The following NPAS3 variants were observed in gnomAD, a reference collection of about 807,000 sequenced individuals.
The protein encoded by NPAS3 is neuronal PAS domain-containing protein 3.
NPAS3 carries 14 observed loss-of-function variants against 73.1 expected under a neutral mutation model. The ratio of observed to expected loss-of-function variants is 0.19; its 90% CI spans 0.13 to 0.30. The LOEUF is 0.30. NPAS3 is among the 10% of genes least tolerant of loss of function. NPAS3 has a pLI of 1.00. For synonymous variants in NPAS3, 620 were observed against 541.5 expected (o/e 1.14, Z -2.01); for missense variants, 1,096 against 1,250.0 (o/e 0.88, Z 1.86).
At chr14:33,648,067 A>AT (rs1306477376) in intron 5 of NPAS3, among the ~76,000 whole-genome samples, 1 of 151,952 alleles carries the variant, frequency 6.6e-6, no homozygotes, top group Non-Finnish European at 1.5e-5. Flanking sequence ...TCTCCGTTTG[A>AT]TTTTGCCCCC....
intron 9 of NPAS3, among the ~76,000 whole-genome samples, chr14:33,781,459 G>C (rs1232124971): frequency 6.6e-6 from 1 of 152,144 alleles, no homozygotes; most frequent in South Asian, 2.1e-4. Context: ...GTAAACACTG[G>C]AAGAAAAGGC....
At chr14:33,085,107 C>T (rs1452750800) in intron 2 of NPAS3, among the ~76,000 whole-genome samples, 2 of 152,200 alleles carry the variant, frequency 1.3e-5, no homozygotes, top group Non-Finnish European at 2.9e-5. Flanking sequence ...GGGCTTCCTT[C>T]TCCCTTACCT....
intron 3 of NPAS3, among the ~76,000 whole-genome samples, chr14:33,282,091 T>C (rs1488483168): frequency 6.6e-6 from 1 of 152,172 alleles, no homozygotes; most frequent in Non-Finnish European, 1.5e-5. Flanking sequence ...GAAGCAGTAA[T>C]GCTAAAGCCA....
chr14:33,156,480 T>C (rs2044652185), intron 2 of NPAS3, among the ~76,000 whole-genome samples: 1 of 152,198 alleles, frequency 6.6e-6, no homozygotes, highest in South Asian at 2.1e-4. Flanking sequence ...AGATTGGTGC[T>C]ACATATTCTC....
At chr14:33,583,418 C>G (rs1315382557) in intron 5 of NPAS3, 1 of 152,110 alleles carries the variant, frequency 6.6e-6, no homozygotes, top group African/African-American at 2.4e-5. Flanking sequence ...AACTATAAAT[C>G]AGTCTCTTGG....
chr14:33,774,109 C>T (rs2062737605), intron 7 of NPAS3, among the ~76,000 whole-genome samples: 1 of 152,160 alleles, frequency 6.6e-6, no homozygotes. Context: ...AAAATAGCAA[C>T]AGCACCATAA....
At chr14:33,442,422 A>T (rs968932605) in intron 4 of NPAS3, among the ~76,000 whole-genome samples, 4 of 152,118 alleles carry the variant, frequency 2.6e-5, no homozygotes, top group African/African-American at 9.7e-5. Flanking sequence ...TAAAAAAAAA[A>T]AAAAATTAAA....
Position 33,257,836 on chromosome 14 carries a change from A to T in NPAS3, c.385+42410A>T, listed in dbSNP as rs145450806. Among the ~76,000 whole-genome samples, 378 of 152,178 alleles carry T rather than the reference A, an allele frequency of 2.5e-3. 4 individuals carry two copies. The highest frequency in any genetic ancestry group is 8.7e-3 in the African/African-American group (361 of 41,522). ...GTTTTCCTATTATATTACAAAGGAGAAGTGCCACAATACTATTTCAAGGGT... is the reference window on the plus strand; with the variant it reads ...GTTTTCCTATTATATTACAAAGGAGTAGTGCCACAATACTATTTCAAGGGT... On this transcript the variant is annotated intron_variant, in intron 3 of 11. Coordinates refer to ENST00000356141, the Ensembl canonical transcript of NPAS3.
At chr14:33,510,835 C>T (rs908010257) in intron 4 of NPAS3, among the ~76,000 whole-genome samples, 2 of 152,042 alleles carry the variant, frequency 1.3e-5, no homozygotes, top group Admixed American at 1.3e-4. Flanking sequence ...GCAAAACGTA[C>T]CCCCTCAGGC....
intron 2 of NPAS3, among the ~76,000 whole-genome samples, chr14:33,089,415 T>C (rs2138793472): frequency 6.6e-6 from 1 of 152,144 alleles, no homozygotes; most frequent in Non-Finnish European, 1.5e-5. Flanking sequence ...GAAGATCAAA[T>C]GAATGAAATG....
At chr14:33,571,979 A>G (rs922735811) in intron 5 of NPAS3, among the ~76,000 whole-genome samples, 2 of 152,178 alleles carry the variant, frequency 1.3e-5, no homozygotes, top group Non-Finnish European at 2.9e-5. Flanking sequence ...ATTGTGGGCT[A>G]ATGCAAAGGA....
chr14:33,557,926 G>GC (rs2055439171), intron 4 of NPAS3, among the ~76,000 whole-genome samples: 1 of 152,148 alleles, frequency 6.6e-6, no homozygotes, highest in African/African-American at 2.4e-5. Flanking sequence ...CTGCGGTCTC[G>GC]CTACCGCACT....
chr14:33,566,994 G>C (rs1284511918), intron 5 of NPAS3, among the ~76,000 whole-genome samples: 7 of 152,194 alleles, frequency 4.6e-5, no homozygotes, highest in Non-Finnish European at 4.4e-5. Flanking sequence ...TGTTTGGAAA[G>C]TATTTTTCTT....
At chr14:33,643,852 T>G (rs192305466) in intron 5 of NPAS3, among the ~76,000 whole-genome samples, 1 of 152,218 alleles carries the variant, frequency 6.6e-6, no homozygotes, top group East Asian at 1.9e-4. Context: ...AAATAATGTA[T>G]GTAAATTTTT....
intron 5 of NPAS3, among the ~76,000 whole-genome samples, chr14:33,665,719 A>G (rs1342507655): frequency 6.6e-6 from 1 of 152,240 alleles, no homozygotes; most frequent in African/African-American, 2.4e-5. Flanking sequence ...ACTGCTTAAA[A>G]AGATTTACAA....
chr14:33,183,582 C>T (rs563796957), intron 2 of NPAS3, among the ~76,000 whole-genome samples: 9 of 151,874 alleles, frequency 5.9e-5, no homozygotes, highest in African/African-American at 2.2e-4. Context: ...CCTGTGTCTG[C>T]CTAGACAGAC....
intron 5 of NPAS3, among the ~76,000 whole-genome samples, chr14:33,566,883 G>A (rs985768657): frequency 2.0e-5 from 3 of 152,134 alleles, no homozygotes; most frequent in Admixed American, 2.0e-4. Flanking sequence ...ATGACATAAG[G>A]CCCAGAAAAC....
chr14:33,551,327 C>T (rs1050130524), intron 4 of NPAS3, among the ~76,000 whole-genome samples: 2 of 152,174 alleles, frequency 1.3e-5, no homozygotes, highest in Non-Finnish European at 2.9e-5. Flanking sequence ...ACACAAACCT[C>T]CTTACCTAAA....
At chr14:33,520,129 A>T (rs1337320638) in intron 4 of NPAS3, among the ~76,000 whole-genome samples, 1 of 152,082 alleles carries the variant, frequency 6.6e-6, no homozygotes, top group Non-Finnish European at 1.5e-5. Context: ...TTCAGCTAGC[A>T]GAAGTTTTGA....
Sources: allele counts gnomAD v4.1 joint callset (sites outside exome capture counted in the v4.1 genomes callset), GRCh38; gene constraint gnomAD v4.1.1; transcripts MANE v1.5; gene names NCBI Gene and HGNC (gene_info 2026-07-23, HGNC 2026-07-21).